Variants in DOCK10 observed in about 807,000 individuals in gnomAD.
The protein encoded by DOCK10 is dedicator of cytokinesis 10.
In DOCK10, 145 loss-of-function variants were observed where a neutral mutation model predicts 280.1. That is an observed-to-expected ratio of 0.52 (90% CI 0.45 to 0.59). The LOEUF (loss-of-function observed/expected upper bound fraction) is 0.59, where lower values mean the gene tolerates loss of function less well. Ranked by LOEUF, DOCK10 falls within the 20% of genes least tolerant of loss-of-function variation. The pLI is 0.00. For synonymous variants in DOCK10, 915 were observed against 942.2 expected (o/e 0.97, Z 0.53); for missense variants, 2,368 against 2,651.7 (o/e 0.89, Z 2.35).
At chr2:224,816,790 C>A in intron 29 of DOCK10, 77 bp from the exon 30 acceptor site, 1 of 792,704 alleles carries the variant, frequency 1.3e-6, no homozygotes. Flanking sequence ...AAAATCTGCA[C>A]TTGAATCTTA....
At chr2:224,912,943 T>C (rs1044179284) in intron 3 of DOCK10, among the ~76,000 whole-genome samples, 3 of 152,202 alleles carry the variant, frequency 2.0e-5, no homozygotes, top group Admixed American at 2.0e-4. Context: ...GGAAAATCGC[T>C]TGAGCCCAGG....
Position 224,871,090 on chromosome 2 carries a change from G to T in DOCK10, c.1257+2906C>A, listed in dbSNP as rs532880675. On this transcript the variant is annotated intron_variant, in intron 11 of 55. Transcript: ENST00000258390. ...GATCTGCCTGCCTTGGCCTCCCAAA[G>T]TGCTGGGATTACAGGTGTGAGCCAC... 2.0e-5 allele frequency among the ~76,000 whole-genome samples: 3 copies of T among 152,186 alleles called. No individual in the cohort carries two copies. The South Asian group carries it at 6.2e-4, about 32-fold the overall frequency.
At chr2:225,019,663 C>G (rs1353412234) in intron 1 of DOCK10, among the ~76,000 whole-genome samples, 1 of 152,164 alleles carries the variant, frequency 6.6e-6, no homozygotes, top group East Asian at 1.9e-4. Context: ...ATCTTTCATT[C>G]TGAAGCAGAG....
chr2:224,834,217 T>C lies in DOCK10; in HGVS notation c.2897A>G (p.Glu966Gly). ...AAGACCAGTCACATTTTTAGCCAGT[T>C]CCTCATGTACAGTCCTCTCCTTGCA... Reference protein sequence around the residue: ...RACKERTVHEELAKNVTGLLK... With the variant: ...RACKERTVHEGLAKNVTGLLK... Residue 966 changes from glutamate (E) to glycine (G), a missense_variant, in exon 26 of 56, where the codon GAA (glutamate) becomes GGA (glycine). Physicochemically the swap from Glu to Gly is moderately conservative, Grantham distance 98. This residue lies in a region of DOCK10 where 1,209 missense variants were observed against 1,250.9 expected (regional missense o/e 0.97). Coordinates refer to ENST00000258390, the MANE Select transcript of DOCK10 (RefSeq NM_014689.3). The C allele has an allele frequency of 6.2e-7, 1 of 1,613,680 alleles. No homozygotes were observed. Among genetic ancestry groups the C allele is most frequent in the African/African-American group, 1.3e-5 (1 of 75,042 alleles).
chr2:224,993,147 T>C (rs1706175240), intron 1 of DOCK10, among the ~76,000 whole-genome samples: 1 of 151,266 alleles, frequency 6.6e-6, no homozygotes, highest in Non-Finnish European at 1.5e-5. Context: ...CATTGCCCTG[T>C]GGTGCAGGTT....
At chr2:224,962,735 C>T (rs1246185294) in intron 1 of DOCK10, among the ~76,000 whole-genome samples, 5 of 152,164 alleles carry the variant, frequency 3.3e-5, no homozygotes, top group Non-Finnish European at 5.9e-5. Context: ...CCTACATTTA[C>T]ATTAACAGCA....
In DOCK10 at chr2:224,770,577, G is replaced by C; in HGVS notation, c.6273C>G (p.Asp2091Glu). ...TCTCCTTCAAAAGCTTTACTTGGTT[G>C]TCAGGGTACTTCTTTGCATTGGTTT... ...LEETNAKKYP[D>E]NQVKLLKEIF... Residue 2091 changes from aspartate (D) to glutamate (E), a missense_variant, in exon 54 of 56, where the codon GAC becomes GAG. Around this residue, in one of 2 missense-constraint regions of DOCK10, gnomAD observed 1,159 missense variants for 1,400.8 expected, o/e 0.83. Transcript: ENST00000258390. This position sits in a 1 kb window ranked among gnomAD's most constrained non-coding sequence, Gnocchi z 4.5. 5 of 1,613,966 alleles carry C rather than the reference G, an allele frequency of 3.1e-6. No individual in the cohort carries two copies. The highest frequency in any genetic ancestry group is 4.2e-6 in the Non-Finnish European group (5 of 1,179,822).
rs57986119 is a variant in DOCK10, at chr2:224,908,415, TTGTGTGTGTG to T, written c.333+8270_333+8279del. 8.8e-3 allele frequency among the ~76,000 whole-genome samples: 1,245 copies of T among 141,182 alleles called. 14 individuals carry two copies. Among genetic ancestry groups the T allele is most frequent in the African/African-American group, 0.027 (1,041 of 37,924 alleles). The allele number at this position is 141,182 out of a possible 152,430, so 92.6% of individuals were successfully genotyped here. A position where few individuals can be genotyped will look rare whatever the true frequency, so the allele number is the denominator to read the frequency against. Reference sequence around the variant, plus strand: ...GAAGACAGTACATAATCATCATCGTTTGTGTGTGTGTGTGTGTGTGTGTGTGTGTGTGTGT... The same window carrying T: ...GAAGACAGTACATAATCATCATCGTTTGTGTGTGTGTGTGTGTGTGTGTGT... On this transcript the variant is annotated intron_variant, in intron 3 of 55. Transcript: ENST00000258390.
At chr2:224,858,315 T>C (rs776280715) in intron 14 of DOCK10, among the ~76,000 whole-genome samples, 4 of 152,138 alleles carry the variant, frequency 2.6e-5, no homozygotes, top group Admixed American at 6.5e-5. Context: ...TACAGCACCA[T>C]GGGAGAAGTT....
intron 55 of DOCK10, among the ~76,000 whole-genome samples, chr2:224,767,250 G>A (rs936299110): frequency 2.6e-5 from 4 of 151,874 alleles, no homozygotes; most frequent in African/African-American, 9.7e-5. Flanking sequence ...TGCAACCTCC[G>A]CCTCCTGGAT....
At chr2:224,847,932 A>G (rs550350992) in intron 19 of DOCK10, among the ~76,000 whole-genome samples, 6 of 152,204 alleles carry the variant, frequency 3.9e-5, no homozygotes, top group Non-Finnish European at 8.8e-5. Context: ...TAAGTTAAGG[A>G]CCATGAAATG....
In DOCK10 at chr2:224,931,707, C is replaced by T. The variant is rs569474918; in HGVS notation, c.124-39G>A. On this transcript the variant is annotated intron_variant, in intron 1 of 55. Coordinates refer to ENST00000258390, the MANE Select transcript of DOCK10 (RefSeq NM_014689.3). ...AAATATGGTATTAATCACTGACATA[C>T]ACCATCTCCCTTTTCTATGCCTGGT... 7 of 1,540,936 alleles carry T rather than the reference C, an allele frequency of 4.5e-6. No homozygotes were observed. In the African/African-American group the frequency reaches 5.5e-5, roughly 12 times the overall value.
intron 1 of DOCK10, among the ~76,000 whole-genome samples, chr2:224,995,813 G>T (rs1706256020): frequency 6.6e-6 from 1 of 152,160 alleles, no homozygotes; most frequent in Admixed American, 6.5e-5. Flanking sequence ...TCAGCTTGAA[G>T]AATTTTTAAT....
chr2:224,892,690 C>T (rs1699769010), intron 4 of DOCK10, among the ~76,000 whole-genome samples: 1 of 152,138 alleles, frequency 6.6e-6, no homozygotes, highest in Non-Finnish European at 1.5e-5. Context: ...GCTGTAGGGG[C>T]TGGAAACAGT....
chr2:225,013,038 A>G (rs1049930982), intron 1 of DOCK10, among the ~76,000 whole-genome samples: 2 of 152,078 alleles, frequency 1.3e-5, no homozygotes, highest in East Asian at 1.9e-4. Context: ...TCAGGACCAA[A>G]TTCCTCTTTT....
intron 1 of DOCK10, among the ~76,000 whole-genome samples, chr2:225,030,851 A>G (rs563206084): frequency 6.6e-6 from 1 of 152,328 alleles, no homozygotes; most frequent in South Asian, 2.1e-4. Context: ...TACAATTTGT[A>G]TAATATTGTA....
intron 30 of DOCK10, among the ~76,000 whole-genome samples, chr2:224,815,470 TA>T (rs1694070172): frequency 6.6e-6 from 1 of 151,840 alleles, no homozygotes; most frequent in African/African-American, 2.4e-5. Flanking sequence ...CAGTAATTTA[TA>T]AAACAAAAAT....
intron 1 of DOCK10, among the ~76,000 whole-genome samples, chr2:224,985,522 T>C (rs1705949594): frequency 1.3e-5 from 2 of 150,204 alleles, no homozygotes; most frequent in South Asian, 4.2e-4. Flanking sequence ...TCATAGGAAA[T>C]GGAAGGAAGG....
At chr2:224,895,841 G>GTATATATATATATATATATA (rs71410338) in intron 4 of DOCK10, among the ~76,000 whole-genome samples, 1 of 136,096 alleles carries the variant, frequency 7.3e-6, no homozygotes. Context: ...GCGTGTGTGT[G>GTATATATATATATATATATA]TATATATATA....
Sources: allele counts gnomAD v4.1 joint callset (sites outside exome capture counted in the v4.1 genomes callset), GRCh38; gene constraint gnomAD v4.1.1; regional missense constraint gnomAD v4.1.1; non-coding constraint Gnocchi (gnomAD v3.1); transcripts MANE v1.5; gene names NCBI Gene and HGNC (gene_info 2026-07-23, HGNC 2026-07-21).